HEATR5B: variants seen among roughly 807,000 people sequenced by gnomAD.
HEATR5B encodes HEAT repeat-containing protein 5B.
A neutral mutation model predicts 224.1 loss-of-function variants in HEATR5B; 156 were observed. That is an observed-to-expected ratio of 0.70 (90% CI 0.61 to 0.80). The LOEUF is 0.80. Ranked by LOEUF, HEATR5B falls within the 30% of genes least tolerant of loss-of-function variation. HEATR5B has a pLI of 0.00. For synonymous variants in HEATR5B, 1,027 were observed against 893.0 expected (o/e 1.15, Z -2.68); for missense variants, 2,323 against 2,535.5 (o/e 0.92, Z 1.80).
At chr2:37,059,282 A>G (rs965211007) in intron 12 of HEATR5B, among the ~76,000 whole-genome samples, 2 of 150,382 alleles carry the variant, frequency 1.3e-5, no homozygotes, top group African/African-American at 4.9e-5. Context: ...ACTACAAAGA[A>G]AGAAATTTTA....
intron 32 of HEATR5B, among the ~76,000 whole-genome samples, 172 bp from the exon 33 acceptor site, chr2:37,000,985 A>T (rs1031434162): frequency 6.6e-6 from 1 of 152,208 alleles, no homozygotes; most frequent in African/African-American, 2.4e-5. Context: ...GAAAAAGAAA[A>T]TAAGAAAGTG....
At position 37,052,705 on chromosome 2, in the gene HEATR5B, T is replaced by C. The variant is rs546196212; in HGVS notation, c.2505+797A>G. Among the ~76,000 whole-genome samples, 3 of 152,312 alleles carry C rather than the reference T, an allele frequency of 2.0e-5. No homozygotes were observed. The South Asian group carries it at 6.2e-4, about 32-fold the overall frequency. ...AAGTAAAACAAGGGTTATCTGAACA[T>C]AGGTGCTGCCACACTGCAGCAGCCC... is the stretch of plus-strand genomic sequence containing the variant. On this transcript the variant is annotated intron_variant, in intron 17 of 35. Coordinates refer to ENST00000233099, the MANE Select transcript of HEATR5B (RefSeq NM_019024.3).
intron 8 of HEATR5B, among the ~76,000 whole-genome samples, chr2:37,067,942 A>T (rs1671683692): frequency 6.6e-6 from 1 of 152,172 alleles, no homozygotes; most frequent in Non-Finnish European, 1.5e-5. Flanking sequence ...ATTTCAAAAG[A>T]CCTCTATTAG....
rs762591962 is a variant in HEATR5B, at chr2:36,988,775, C to A, written c.5782G>T (p.Ala1928Ser). Residue 1928 changes from alanine (A) to serine (S), a missense_variant, in exon 35 of 36, where the codon GCT (alanine) becomes TCT (serine). Around this residue, in one of 12 missense-constraint regions of HEATR5B, gnomAD observed 844 missense variants for 812.9 expected, o/e 1.04. Coordinates refer to ENST00000233099, the MANE Select transcript of HEATR5B (RefSeq NM_019024.3). Reference sequence around the variant, plus strand: ...TTTAGCTTTTCAACCACTATTGGAGCTAATGAATGAATATAAGGAGTTGAA... The same window carrying A: ...TTTAGCTTTTCAACCACTATTGGAGATAATGAATGAATATAAGGAGTTGAA... ...ALSTPYIHSL[A>S]PIVVEKLKAV... 6.8e-6 allele frequency: 11 copies of A among 1,613,828 alleles called. No individual in the cohort carries two copies. Among genetic ancestry groups the A allele is most frequent in the African/African-American group, 1.3e-5 (1 of 74,868 alleles).
intron 33 of HEATR5B, among the ~76,000 whole-genome samples, chr2:36,995,828 A>G (rs1420660507): frequency 2.6e-5 from 4 of 152,208 alleles, no homozygotes; most frequent in African/African-American, 9.7e-5. Context: ...GTTGTAAGAT[A>G]GATATAATAG....
chr2:37,083,756 T>G (rs1299486124), intron 1 of HEATR5B, among the ~76,000 whole-genome samples: 1 of 152,180 alleles, frequency 6.6e-6, no homozygotes, highest in Non-Finnish European at 1.5e-5. Flanking sequence ...ATGAAAAAAC[T>G]GAAGCACTAA....
chr2:36,999,727 T>C (rs1666962644), intron 33 of HEATR5B, among the ~76,000 whole-genome samples: 1 of 149,694 alleles, frequency 6.7e-6, no homozygotes, highest in Non-Finnish European at 1.5e-5. Flanking sequence ...ATTTAAAACC[T>C]CCCGGCCGGG....
intron 8 of HEATR5B, among the ~76,000 whole-genome samples, chr2:37,066,855 T>C (rs1572927109): frequency 6.6e-6 from 1 of 152,156 alleles, no homozygotes; most frequent in East Asian, 1.9e-4. Flanking sequence ...AATGGATTAA[T>C]AAATTGAAGA....
intron 22 of HEATR5B, among the ~76,000 whole-genome samples, chr2:37,029,972 T>A (rs567819500): frequency 1.4e-4 from 20 of 146,796 alleles, no homozygotes; most frequent in African/African-American, 1.0e-4. Context: ...AATAAATAAA[T>A]AAAAATTGGG....
intron 26 of HEATR5B, among the ~76,000 whole-genome samples, chr2:37,016,449 G>C (rs1015410328): frequency 2.0e-5 from 3 of 151,574 alleles, no homozygotes; most frequent in Admixed American, 6.6e-5. Context: ...CTTGGACCAA[G>C]ATTTTTTTCA....
chr2:37,021,364 G>A (rs1175392172), intron 24 of HEATR5B, among the ~76,000 whole-genome samples: 1 of 152,066 alleles, frequency 6.6e-6, no homozygotes, highest in East Asian at 1.9e-4. Flanking sequence ...CTTCCTAAAT[G>A]GCCTCCTCTC....
intron 11 of HEATR5B, among the ~76,000 whole-genome samples, chr2:37,061,349 T>C (rs908760752): frequency 6.6e-6 from 1 of 152,190 alleles, no homozygotes; most frequent in African/African-American, 2.4e-5. Context: ...TAGGTCAAAG[T>C]ATAATTTCCA....
Position 37,007,118 on chromosome 2 carries a change from G to A in HEATR5B, c.4709C>T (p.Ala1570Val). The A allele has an allele frequency of 6.2e-7, 1 of 1,614,010 alleles. No homozygotes were observed. The highest frequency in any genetic ancestry group is 8.5e-7 in the Non-Finnish European group (1 of 1,179,932). ...TTTAGCACTACCCACTGCTCCTGAT[G>A]CCTGGTTTAAATTGACAGATGTAGA... ...KRSTSVNLNQ[A>V]SGAVGSAKSL... Residue 1570 changes from alanine to valine, a missense_variant, in exon 29 of 36, where the codon GCA becomes GTA. This residue lies in a region of HEATR5B where 844 missense variants were observed against 812.9 expected (regional missense o/e 1.04). Coordinates refer to ENST00000233099, the MANE Select transcript of HEATR5B (RefSeq NM_019024.3).
intron 27 of HEATR5B, among the ~76,000 whole-genome samples, chr2:37,010,663 A>G (rs1667730055): frequency 6.6e-6 from 1 of 151,934 alleles, no homozygotes; most frequent in African/African-American, 2.4e-5. Context: ...ACAGGCACAC[A>G]CCAGCAAGCC....
At chr2:36,990,227 A>C (rs1421126358) in intron 34 of HEATR5B, among the ~76,000 whole-genome samples, 1 of 152,038 alleles carries the variant, frequency 6.6e-6, no homozygotes, top group African/African-American at 2.4e-5. Flanking sequence ...AAAATTTCTG[A>C]CGTGTAGCAG....
intron 20 of HEATR5B, among the ~76,000 whole-genome samples, chr2:37,039,251 G>A (rs2148494358): frequency 6.6e-6 from 1 of 152,116 alleles, no homozygotes; most frequent in East Asian, 1.9e-4. Flanking sequence ...TGGATCATGA[G>A]GTCAGGAGTT....
At chr2:37,072,046 A>C in intron 6 of HEATR5B, 64 bp downstream of exon 6, 12 of 1,294,876 alleles carry the variant, frequency 9.3e-6, no homozygotes, top group Non-Finnish European at 1.3e-5. Flanking sequence ...CATTACACTG[A>C]CTTGCCTATA....
intron 21 of HEATR5B, 109 bp from the exon 22 acceptor site, chr2:37,032,882 T>G (rs980756687): frequency 2.1e-6 from 2 of 973,222 alleles, no homozygotes; most frequent in Non-Finnish European, 2.9e-6. Context: ...ATGTTTTGTT[T>G]TGTTTTTTTT....
chr2:37,003,810 G>A (rs1415469907), intron 30 of HEATR5B, 124 bp from the exon 31 acceptor site: 4 of 565,346 alleles, frequency 7.1e-6, no homozygotes, highest in Non-Finnish European at 8.6e-6. Context: ...TAAAATATAG[G>A]ACTACGTAAC....
Sources: gnomAD v4.1 joint callset for allele counts (sites outside exome capture counted in the v4.1 genomes callset) on GRCh38, gnomAD v4.1.1 for gene constraint, gnomAD v4.1.1 regional missense constraint, MANE v1.5 for transcripts, NCBI Gene and HGNC (gene_info 2026-07-23, HGNC 2026-07-21) for gene names.